Variants in EFL1 observed in about 807,000 individuals in gnomAD.
EFL1 encodes the protein elongation factor-like GTPase 1.
EFL1 carries 76 observed loss-of-function variants against 126.7 expected under a neutral mutation model. That is an observed-to-expected ratio of 0.60 (90% CI 0.50 to 0.73). The LOEUF (loss-of-function observed/expected upper bound fraction) is 0.73, where lower values mean the gene tolerates loss of function less well. Ranked by LOEUF, EFL1 falls within the 30% of genes least tolerant of loss-of-function variation. EFL1 has a pLI of 0.00. For synonymous variants in EFL1, 410 were observed against 448.4 expected, an observed-to-expected ratio of 0.91 and a Z score of 1.08; for missense variants, 1,128 against 1,343.2, an observed-to-expected ratio of 0.84 and a Z score of 2.50.
At chr15:82,182,957 T>C (rs1402075020) in intron 15 of EFL1, among the ~76,000 whole-genome samples, 1 of 152,168 alleles carries the variant, frequency 6.6e-6, no homozygotes, top group Non-Finnish European at 1.5e-5. Context: ...TCCAACCTTA[T>C]GCCAGCATTG....
At position 82,151,897 on chromosome 15, in the gene EFL1, C is replaced by A. The variant is rs2073913573; in HGVS notation, c.2557G>T (p.Asp853Tyr). The change falls in exon 18 of 20, where the codon GAC (aspartate) becomes TAC (tyrosine). Residue 853 changes from aspartate (D) to tyrosine (Y), a missense_variant. By Grantham distance (160) the Asp-to-Tyr change is radical (BLOSUM62 -3). Coordinates refer to ENST00000268206, the MANE Select transcript of EFL1 (RefSeq NM_024580.6). ...CTACTGGCTTCTTTTGAAGCTTTGT[C>A]AGCTGGACCTGTCCATACTGAGTTC... ...FQNSVWTGPADKASKEASRYR... is the reference protein window; with the variant it reads ...FQNSVWTGPAYKASKEASRYR... The A allele has an allele frequency of 6.2e-7, 1 of 1,614,094 alleles. No homozygotes were observed. The highest frequency in any genetic ancestry group is 8.5e-7 in the Non-Finnish European group (1 of 1,180,022).
At chr15:82,217,373 G>GGAAAAAAAAAAAAAAA (rs1429392936) in intron 14 of EFL1, among the ~76,000 whole-genome samples, 1 of 27,150 alleles carries the variant, frequency 3.7e-5, no homozygotes. Context: ...GATTAGATTT[G>GGAAAAAAAAAAAAAAA]AAAAAAAAAA....
At chr15:82,220,952 C>T (rs1438680808) in intron 12 of EFL1, among the ~76,000 whole-genome samples, 2 of 152,168 alleles carry the variant, frequency 1.3e-5, no homozygotes, top group Non-Finnish European at 2.9e-5. Context: ...AGAAACCAGG[C>T]CGGTAGACTG....
intron 15 of EFL1, among the ~76,000 whole-genome samples, chr15:82,208,466 C>T (rs1167569126): frequency 6.6e-6 from 1 of 152,078 alleles, no homozygotes; most frequent in Non-Finnish European, 1.5e-5. Context: ...CTAGTGGCTA[C>T]CAAATGGAGA....
intron 15 of EFL1, among the ~76,000 whole-genome samples, chr15:82,203,747 C>G (rs1218528189): frequency 6.6e-6 from 1 of 152,206 alleles, no homozygotes; most frequent in Non-Finnish European, 1.5e-5. Context: ...ATTTGTGAGA[C>G]TGACTGAAGT....
At chr15:82,240,280 T>C in intron 6 of EFL1, 138 bp downstream of exon 6, 1 of 787,074 alleles carries the variant, frequency 1.3e-6, no homozygotes, top group Non-Finnish European at 2.0e-6. Context: ...ATTGCCTCTC[T>C]TGTAGAATAA....
chr15:82,250,162 C>A (rs1311222376), intron 4 of EFL1, among the ~76,000 whole-genome samples: 1 of 143,058 alleles, frequency 7.0e-6, no homozygotes, highest in Non-Finnish European at 1.5e-5. Context: ...GGAAATACCC[C>A]ATTCTGGAGA....
At chr15:82,211,592 C>CACACA (rs1567064834) in intron 15 of EFL1, among the ~76,000 whole-genome samples, 1 of 60,130 alleles carries the variant, frequency 1.7e-5, no homozygotes, top group East Asian at 3.1e-4. Flanking sequence ...TAGACACATA[C>CACACA]TAGACACACA....
chr15:82,234,648 A>G (rs2074854441), intron 7 of EFL1, among the ~76,000 whole-genome samples: 1 of 152,166 alleles, frequency 6.6e-6, no homozygotes, highest in African/African-American at 2.4e-5. Flanking sequence ...TAAAAAACGG[A>G]GCCAGAGATT....
At chr15:82,194,016 T>C (rs1353708821) in intron 15 of EFL1, among the ~76,000 whole-genome samples, 2 of 152,190 alleles carry the variant, frequency 1.3e-5, no homozygotes, top group Admixed American at 6.5e-5. Flanking sequence ...TTCCTTTGTC[T>C]TTATACTTAG....
At chr15:82,250,413 G>A (rs886747417) in intron 4 of EFL1, among the ~76,000 whole-genome samples, 14 of 124,162 alleles carry the variant, frequency 1.1e-4, no homozygotes, top group Non-Finnish European at 2.0e-4. Flanking sequence ...CAACCCAAGC[G>A]CAGCCAATCC....
intron 6 of EFL1, 106 bp downstream of exon 6, chr15:82,240,312 A>G (rs1260322124): frequency 2.4e-5 from 26 of 1,063,380 alleles, no homozygotes; most frequent in Non-Finnish European, 3.5e-5. Flanking sequence ...ATGAATCTGA[A>G]GTGGAAAAGT....
At chr15:82,228,442 G>C in intron 9 of EFL1, 115 bp from the exon 10 acceptor site, 2 of 1,338,578 alleles carry the variant, frequency 1.5e-6, no homozygotes, top group Non-Finnish European at 2.0e-6. Context: ...TTCAAAAAAA[G>C]CTAAAAATGA....
chr15:82,212,481 TG>T (rs2074600641), intron 15 of EFL1, among the ~76,000 whole-genome samples: 1 of 152,262 alleles, frequency 6.6e-6, no homozygotes, highest in Non-Finnish European at 1.5e-5. Context: ...TTCCTAGTCA[TG>T]CAGGGGACTC....
intron 18 of EFL1, among the ~76,000 whole-genome samples, chr15:82,149,032 G>C (rs2073879566): frequency 6.6e-6 from 1 of 151,792 alleles, no homozygotes; most frequent in African/African-American, 2.4e-5. Context: ...AGATGTAAAG[G>C]ACCGTAACTT....
At chr15:82,247,163 G>T (rs1307921361) in intron 4 of EFL1, among the ~76,000 whole-genome samples, 1 of 152,086 alleles carries the variant, frequency 6.6e-6, no homozygotes, top group Non-Finnish European at 1.5e-5. Flanking sequence ...CAAAGAATGG[G>T]TACCTCATTA....
intron 15 of EFL1, among the ~76,000 whole-genome samples, chr15:82,186,488 C>T (rs2074305006): frequency 6.6e-6 from 1 of 152,178 alleles, no homozygotes; most frequent in South Asian, 2.1e-4. Context: ...TGAATCATTT[C>T]CAAATACCAG....
chr15:82,175,215 C>A (rs117902443), intron 15 of EFL1, among the ~76,000 whole-genome samples: 2,735 of 152,242 alleles, frequency 0.018, 30 homozygotes, highest in Non-Finnish European at 0.026. Flanking sequence ...GAGACTATTG[C>A]CCTACGTCTG....
At position 82,152,431 on chromosome 15, in the gene EFL1, C is replaced by A; in HGVS notation, c.2031-8G>T. ...ATATGAATCTTTGCAAACCTACAGA[C>A]AAATTCAAGAGAAATAACAGAAGGT... is the stretch of plus-strand genomic sequence containing the variant. On this transcript the variant is annotated splice_region_variant and splice_polypyrimidine_tract_variant and intron_variant, in intron 17 of 19. Transcript: ENST00000268206. 2 of 1,587,646 alleles carry A rather than the reference C, an allele frequency of 1.3e-6. No individual in the cohort carries two copies. Among genetic ancestry groups the A allele is most frequent in the Admixed American group, 1.8e-5 (1 of 56,418 alleles).
Sources: allele counts gnomAD v4.1 joint callset (sites outside exome capture counted in the v4.1 genomes callset), GRCh38; gene constraint gnomAD v4.1.1; transcripts MANE v1.5; gene names NCBI Gene and HGNC (gene_info 2026-07-23, HGNC 2026-07-21).